RFX4: variants seen among roughly 807,000 people sequenced by gnomAD.
RFX4 encodes the protein regulatory factor X4.
In RFX4, 10 loss-of-function variants were observed where a neutral mutation model predicts 95.0. The observed-to-expected ratio is 0.11, with a 90% CI of 0.06 to 0.18. RFX4 has a LOEUF of 0.18. Ranked by LOEUF, RFX4 falls within the 10% of genes least tolerant of loss-of-function variation. The probability of loss-of-function intolerance (pLI) is 1.00; values close to 1 mark genes in which losing one functional copy is unlikely to be tolerated. For missense variants in RFX4, 640 were observed against 922.0 expected (o/e 0.69, Z 3.96); for synonymous variants, 321 against 340.7 (o/e 0.94, Z 0.64).
chr12:106,735,696 ATT>A lies in RFX4; in HGVS notation c.1633+2619_1633+2620del, dbSNP rs58900156. On this transcript the variant is annotated intron_variant, in intron 15 of 17. Transcript: ENST00000392842. The stretch of plus-strand genomic sequence containing the variant: ...TTCATGTATATATGTACACACATGT[ATT>A]TTTTTTTCCCCCGTGAGGACATTTT... 7.6e-3 allele frequency among the ~76,000 whole-genome samples: 1,153 copies of A among 151,602 alleles called. 15 individuals are homozygous for A. Among genetic ancestry groups the A allele is most frequent in the African/African-American group, 0.027 (1,112 of 41,344 alleles).
intron 2 of RFX4, among the ~76,000 whole-genome samples, chr12:106,635,930 T>A (rs1250640328): frequency 6.6e-6 from 1 of 152,216 alleles, no homozygotes; most frequent in Non-Finnish European, 1.5e-5. Context: ...GTTCTATGTG[T>A]TTAGGGGTTC....
chr12:106,762,787 A>G lies in RFX4; in HGVS notation c.*1318A>G, dbSNP rs1392737969. ...GATATGAATGGTTTCACACTCAAATAAAAAATATTGAAACGACCTGCTTTC... is the reference window on the plus strand; with the variant it reads ...GATATGAATGGTTTCACACTCAAATGAAAAATATTGAAACGACCTGCTTTC... On this transcript the variant is annotated 3_prime_UTR_variant, in exon 18 of 18. Transcript: ENST00000392842. 1.3e-5 allele frequency: 2 copies of G among 148,658 alleles called. No individual in the cohort carries two copies. Among genetic ancestry groups the G allele is most frequent in the Non-Finnish European group, 3.0e-5 (2 of 67,406 alleles). 9.2% of individuals were successfully genotyped at this position (148,658 alleles called of 1,614,324 possible).
At chr12:106,705,669 G>C (rs1266042040) in intron 8 of RFX4, among the ~76,000 whole-genome samples, 1 of 152,138 alleles carries the variant, frequency 6.6e-6, no homozygotes, top group Non-Finnish European at 1.5e-5. Flanking sequence ...TGAAGTGTTG[G>C]AGAAACTGAA....
intron 8 of RFX4, among the ~76,000 whole-genome samples, chr12:106,697,689 C>CTCT (rs1255068600): frequency 2.0e-5 from 3 of 152,086 alleles, no homozygotes; most frequent in Admixed American, 2.0e-4. Flanking sequence ...TCTTGGCTTG[C>CTCT]AGACGCATCA....
chr12:106,680,227 C>T (rs548572332), intron 4 of RFX4, among the ~76,000 whole-genome samples: 9 of 152,256 alleles, frequency 5.9e-5, no homozygotes, highest in South Asian at 4.1e-4. Context: ...TGAAATGCTG[C>T]GGCATCCATT....
chr12:106,610,677 G>A (rs749720395), intron 2 of RFX4, among the ~76,000 whole-genome samples: 1 of 152,188 alleles, frequency 6.6e-6, no homozygotes, highest in Non-Finnish European at 1.5e-5. Flanking sequence ...ATATTCCTCT[G>A]TATGGATATG....
chr12:106,742,854 G>C (rs1020188814), intron 15 of RFX4, among the ~76,000 whole-genome samples: 4 of 152,202 alleles, frequency 2.6e-5, no homozygotes. Flanking sequence ...AAGACTGAAT[G>C]GGTCAATGTA....
At chr12:106,587,826 G>A (rs2039483747) in intron 1 of RFX4, among the ~76,000 whole-genome samples, 2 of 152,352 alleles carry the variant, frequency 1.3e-5, no homozygotes, top group South Asian at 4.1e-4. Flanking sequence ...GGAACGGAAC[G>A]GGAAGAGAAG....
intron 15 of RFX4, among the ~76,000 whole-genome samples, chr12:106,742,327 C>T (rs1450287300): frequency 6.6e-6 from 1 of 152,142 alleles, no homozygotes; most frequent in Admixed American, 6.5e-5. Context: ...GCTGGGACTA[C>T]AAGCACACAC....
intron 7 of RFX4, among the ~76,000 whole-genome samples, chr12:106,693,686 G>A (rs954841234): frequency 6.6e-6 from 1 of 152,138 alleles, no homozygotes; most frequent in African/African-American, 2.4e-5. Context: ...CCAGGCTCAG[G>A]CCACGCTAAT....
rs187788903 is a variant in RFX4, at chr12:106,652,945, G to C, written c.192-1283G>C. Among the ~76,000 whole-genome samples the C allele has an allele frequency of 3.9e-4, 59 of 152,242 alleles. No individual in the cohort carries two copies. In the East Asian group the frequency reaches 0.011, roughly 29 times the overall value. On this transcript the variant is annotated intron_variant, in intron 3 of 17. Transcript: ENST00000392842. ...GCCTTATTTTTGACCAAAAAATTGG[G>C]GGTGGGGGATGGTTTTCCAGTCACT... is the stretch of plus-strand genomic sequence containing the variant.
chr12:106,601,278 T>A (rs905861349), intron 1 of RFX4: 18 of 1,590,158 alleles, frequency 1.1e-5, no homozygotes, highest in Non-Finnish European at 1.5e-5. Flanking sequence ...TGAGACAGAA[T>A]GATCAAAAGG....
chr12:106,639,920 T>G (rs1048864183), intron 3 of RFX4, among the ~76,000 whole-genome samples: 1 of 152,228 alleles, frequency 6.6e-6, no homozygotes, highest in African/African-American at 2.4e-5. Flanking sequence ...AAAAGCTTTA[T>G]TTGGAAATTA....
At chr12:106,587,101 G>A (rs992630218) in intron 1 of RFX4, among the ~76,000 whole-genome samples, 1 of 152,226 alleles carries the variant, frequency 6.6e-6, no homozygotes, top group Non-Finnish European at 1.5e-5. Flanking sequence ...CCGAGTCCCC[G>A]AGGCTGCAGC....
At chr12:106,632,258 A>G (rs2040430743) in intron 2 of RFX4, among the ~76,000 whole-genome samples, 1 of 152,096 alleles carries the variant, frequency 6.6e-6, no homozygotes, top group Admixed American at 6.5e-5. Context: ...CAAGAAGACC[A>G]GGCGCTGGGG....
At chr12:106,606,884 T>C (rs757151728) in intron 1 of RFX4, among the ~76,000 whole-genome samples, 2 of 152,228 alleles carry the variant, frequency 1.3e-5, no homozygotes. Context: ...TGGCTTCTTT[T>C]TATGGTGTGT....
intron 1 of RFX4, chr12:106,601,200 G>A (rs1226544000): frequency 6.5e-7 from 1 of 1,537,566 alleles, no homozygotes; most frequent in African/African-American, 1.4e-5. Context: ...TGGCTTCCTG[G>A]GCTTCTCCAA....
intron 10 of RFX4, among the ~76,000 whole-genome samples, chr12:106,714,087 A>AAAAAAAAAAAAAAAAAAAC (rs2042242529): frequency 6.6e-6 from 1 of 151,114 alleles, no homozygotes; most frequent in Non-Finnish European, 1.5e-5. Context: ...AAAAAAAAAA[A>AAAAAAAAAAAAAAAAAAAC]AAAAGCATGT....
At chr12:106,599,603 C>T (rs2039670594) in intron 1 of RFX4, among the ~76,000 whole-genome samples, 1 of 152,068 alleles carries the variant, frequency 6.6e-6, no homozygotes, top group Non-Finnish European at 1.5e-5. Flanking sequence ...ATTGAGACTC[C>T]AGCTGATGAG....
Sources: gnomAD v4.1 joint callset for allele counts (sites outside exome capture counted in the v4.1 genomes callset) on GRCh38, gnomAD v4.1.1 for gene constraint, MANE v1.5 for transcripts, NCBI Gene and HGNC (gene_info 2026-07-23, HGNC 2026-07-21) for gene names.